RIGI: variants seen among roughly 807,000 people sequenced by gnomAD.
RIGI encodes the protein antiviral innate immune response receptor RIG-I.
At chr9:32,457,235 T>C in the RIGI span, 1 of 1,614,156 alleles carries the variant, frequency 6.2e-7, no homozygotes, top group Non-Finnish European at 8.5e-7. Flanking sequence ...AAACTTTCAA[T>C]TTTTATAACT....
chr9:32,504,131 G>A, the RIGI span, among the ~76,000 whole-genome samples: 177 of 151,554 alleles, frequency 1.2e-3, 5 homozygotes, highest in South Asian at 0.036. Flanking sequence ...AGCTTCCAGG[G>A]TACCATGCAA....
chr9:32,505,662 A>T, the RIGI span, among the ~76,000 whole-genome samples: 3 of 152,314 alleles, frequency 2.0e-5, no homozygotes, highest in East Asian at 5.8e-4. Context: ...TATAGTTTTA[A>T]ATAAGTAAGA....
At chr9:32,465,529 A>G in the RIGI span, among the ~76,000 whole-genome samples, 1 of 152,204 alleles carries the variant, frequency 6.6e-6, no homozygotes, top group Non-Finnish European at 1.5e-5. Context: ...GATGCAATGC[A>G]TACATCTCAT....
At chr9:32,465,440 G>A in the RIGI span, among the ~76,000 whole-genome samples, 1 of 152,162 alleles carries the variant, frequency 6.6e-6, no homozygotes, top group South Asian at 2.1e-4. Context: ...TCATCTTCAT[G>A]AAGTTAAACT....
chr9:32,476,973 AAAAGCTTAC>A, the RIGI span: 1 of 1,609,328 alleles, frequency 6.2e-7, no homozygotes, highest in Non-Finnish European at 8.5e-7. Flanking sequence ...CAAGGAGAAA[AAAAGCTTAC>A]GTCCACAAGT....
the RIGI span, among the ~76,000 whole-genome samples, chr9:32,485,763 ACT>A: frequency 6.6e-6 from 1 of 151,170 alleles, no homozygotes. Context: ...CTGGTCTCGA[ACT>A]CCTGAGCTGG....
At chr9:32,482,187 T>TGTG in the RIGI span, among the ~76,000 whole-genome samples, 2 of 144,958 alleles carry the variant, frequency 1.4e-5, no homozygotes, top group African/African-American at 2.5e-5. Context: ...GTGTGTTTGT[T>TGTG]TGTGTGTGTG....
At chr9:32,497,025 A>G in the RIGI span, among the ~76,000 whole-genome samples, 1 of 152,312 alleles carries the variant, frequency 6.6e-6, no homozygotes, top group South Asian at 2.1e-4. Flanking sequence ...AATTTTACCT[A>G]TTCAAGATGC....
At chr9:32,494,750 T>A in the RIGI span, among the ~76,000 whole-genome samples, 6 of 152,324 alleles carry the variant, frequency 3.9e-5, no homozygotes, top group African/African-American at 1.2e-4. Flanking sequence ...CTTTAGATAA[T>A]CTATATAGGT....
At chr9:32,493,041 G>A in the RIGI span, among the ~76,000 whole-genome samples, 1 of 151,966 alleles carries the variant, frequency 6.6e-6, no homozygotes, top group Non-Finnish European at 1.5e-5. Flanking sequence ...CATATTATAA[G>A]GTAACATTAT....
At chr9:32,456,681 G>A in the RIGI span, 1 of 159,356 alleles carries the variant, frequency 6.3e-6, no homozygotes, top group Non-Finnish European at 1.4e-5. Flanking sequence ...GTTAAGAAGT[G>A]CCCAGTGGAT....
the RIGI span, among the ~76,000 whole-genome samples, chr9:32,518,380 T>C: frequency 2.0e-5 from 3 of 149,762 alleles, no homozygotes; most frequent in Admixed American, 1.3e-4. Flanking sequence ...GTAAAATGAC[T>C]GTTTAAAAAA....
At chr9:32,478,671 C>T in the RIGI span, among the ~76,000 whole-genome samples, 1 of 152,140 alleles carries the variant, frequency 6.6e-6, no homozygotes. Flanking sequence ...GTGATCCTCC[C>T]ACCTCAGCCT....
the RIGI span, among the ~76,000 whole-genome samples, chr9:32,470,371 C>T: frequency 6.6e-6 from 1 of 152,194 alleles, no homozygotes; most frequent in Non-Finnish European, 1.5e-5. Context: ...GTCTCAGCTA[C>T]CCAACACTGC....
At chr9:32,491,817 C>G in the RIGI span, among the ~76,000 whole-genome samples, 1 of 150,972 alleles carries the variant, frequency 6.6e-6, no homozygotes, top group Admixed American at 6.6e-5. Context: ...TATACAGTTT[C>G]TGAAACAACT....
chr9:32,473,736 A>T, the RIGI span, among the ~76,000 whole-genome samples: 1 of 152,338 alleles, frequency 6.6e-6, no homozygotes, highest in Admixed American at 6.5e-5. Context: ...GAATTTCAAA[A>T]GTTTTTAAGT....
the RIGI span, among the ~76,000 whole-genome samples, chr9:32,510,462 C>T: frequency 1.3e-5 from 2 of 152,152 alleles, no homozygotes; most frequent in Admixed American, 6.6e-5. Context: ...GAATTTTCAA[C>T]CCAGAATTTC....
the RIGI span, among the ~76,000 whole-genome samples, chr9:32,523,635 C>T: frequency 1.2e-4 from 19 of 152,206 alleles, no homozygotes; most frequent in Middle Eastern, 3.4e-3. Context: ...CCCATTCCTC[C>T]GGATTCCTAT....
At chr9:32,500,872 G>A in the RIGI span, 2 of 1,614,138 alleles carry the variant, frequency 1.2e-6, no homozygotes, top group Non-Finnish European at 1.7e-6. Flanking sequence ...ACAGGAACTT[G>A]AGAAAAAGTG....
Sources: allele counts gnomAD v4.1 joint callset (sites outside exome capture counted in the v4.1 genomes callset), GRCh38; gene constraint gnomAD v4.1.1; transcripts MANE v1.5; gene names NCBI Gene and HGNC (gene_info 2026-07-23, HGNC 2026-07-21).